The following GABARAPL2 variants were observed in gnomAD, a reference collection of about 807,000 sequenced individuals.
The protein encoded by GABARAPL2 is GABA type A receptor associated protein like 2, also known as gamma-aminobutyric acid receptor-associated protein-like 2.
Under a neutral mutation model 16.9 loss-of-function variants are expected in GABARAPL2, and 11 were observed. The observed-to-expected ratio is 0.65, with a 90% CI of 0.41 to 1.08. The LOEUF is 1.08. Ranked by LOEUF, GABARAPL2 falls within the 50% of genes least tolerant of loss-of-function variation. The pLI, the probability that GABARAPL2 is intolerant of heterozygous loss-of-function variation, is 0.00. For synonymous variants in GABARAPL2, 57 were observed against 50.7 expected, an observed-to-expected ratio of 1.12 and a Z score of -0.53; for missense variants, 134 against 142.5, an observed-to-expected ratio of 0.94 and a Z score of 0.30.
intron 3 of GABARAPL2, among the ~76,000 whole-genome samples, chr16:75,573,913 T>C (rs2080931398): frequency 6.6e-6 from 1 of 152,200 alleles, no homozygotes; most frequent in Non-Finnish European, 1.5e-5. Context: ...CTCATGAGAT[T>C]GTTTTGAGGA....
At chr16:75,569,682 A>G (rs903887812) in intron 3 of GABARAPL2, among the ~76,000 whole-genome samples, 3 of 152,190 alleles carry the variant, frequency 2.0e-5, no homozygotes, top group Non-Finnish European at 4.4e-5. Context: ...GTTCTTCTCA[A>G]AGGAAATGAA....
At position 75,568,077 on chromosome 16, in the gene GABARAPL2, T is replaced by C. The variant is rs746385892; in HGVS notation, c.131T>C (p.Ile44Thr). The change falls in exon 3 of 4, where the codon ATT (isoleucine) becomes ACT (threonine). Residue 44 changes from isoleucine to threonine, a missense_variant. Physicochemically the swap from Ile to Thr is moderately conservative, Grantham distance 89 (BLOSUM62 -1). Coordinates refer to ENST00000037243, the MANE Select transcript of GABARAPL2 (RefSeq NM_007285.7). ...GTCTCAGGCTCTCAGATTGTTGACATTGACAAACGGAAGTACTTGGTTCCA... is the reference window on the plus strand; with the variant it reads ...GTCTCAGGCTCTCAGATTGTTGACACTGACAAACGGAAGTACTTGGTTCCA... ...EKVSGSQIVD[I>T]DKRKYLVPSD... 9.9e-6 allele frequency: 16 copies of C among 1,610,162 alleles called. No individual in the cohort carries two copies. The highest frequency in any genetic ancestry group is 6.7e-5 in the African/African-American group (5 of 74,898).
chr16:75,573,161 AACTG>A (rs1202711496), intron 3 of GABARAPL2, among the ~76,000 whole-genome samples: 4 of 152,240 alleles, frequency 2.6e-5, no homozygotes, highest in Admixed American at 2.0e-4. Flanking sequence ...ATGTGTCCCA[AACTG>A]ACACACCAGC....
At position 75,573,432 on chromosome 16, in the gene GABARAPL2, G is replaced by T. The variant is rs375244768; in HGVS notation, c.264-3847G>T. Among the ~76,000 whole-genome samples, 7 of 152,324 alleles carry T rather than the reference G, an allele frequency of 4.6e-5. No individual in the cohort carries two copies. In the East Asian group the frequency reaches 5.8e-4, roughly 13 times the overall value. On this transcript the variant is annotated intron_variant, in intron 3 of 3. Transcript: ENST00000037243. ...CAAAATTAGGTGCATGTTCAGCATT[G>T]AGCATTCAGTTACCAAGTTCCTTGC...
Position 75,566,400 on chromosome 16 carries a change from TGCCGCTGCCGCC to T in GABARAPL2, c.-85_-74del. On this transcript the variant is annotated 5_prime_UTR_variant, in exon 1 of 4. Coordinates refer to ENST00000037243, the MANE Select transcript of GABARAPL2 (RefSeq NM_007285.7). ...GTGTAGTCGCCGCCGTCGCTGCCGCTGCCGCTGCCGCCGTCGTTGTTGTTGTGCTCGGTGCGC... is the reference window on the plus strand; with the variant it reads ...GTGTAGTCGCCGCCGTCGCTGCCGCTGTCGTTGTTGTTGTGCTCGGTGCGC... 1.9e-6 allele frequency: 2 copies of T among 1,026,212 alleles called. No homozygotes were observed. Among genetic ancestry groups the T allele is most frequent in the Non-Finnish European group, 3.0e-6 (2 of 676,374 alleles). The allele number at this position is 1,026,212 out of a possible 1,614,324, so 63.6% of individuals were successfully genotyped here.
intron 3 of GABARAPL2, among the ~76,000 whole-genome samples, chr16:75,573,595 T>C (rs142197465): frequency 1.3e-5 from 2 of 152,300 alleles, no homozygotes; most frequent in East Asian, 3.9e-4. Flanking sequence ...AATTACAAGA[T>C]GGGAAGGAGA....
intron 3 of GABARAPL2, among the ~76,000 whole-genome samples, chr16:75,575,435 A>T (rs2080942882): frequency 6.6e-6 from 1 of 152,002 alleles, no homozygotes; most frequent in South Asian, 2.1e-4. Context: ...AGCTGGGATG[A>T]CAGGCGTGCA....
chr16:75,577,222 T>C, intron 3 of GABARAPL2, 57 bp from the exon 4 acceptor site: 1 of 1,070,558 alleles, frequency 9.3e-7, no homozygotes, highest in Non-Finnish European at 1.5e-6. Context: ...GGCCATCCTT[T>C]TTCTCCTGAA....
intron 3 of GABARAPL2, among the ~76,000 whole-genome samples, chr16:75,570,045 G>C (rs2080906150): frequency 6.6e-6 from 1 of 152,106 alleles, no homozygotes; most frequent in Non-Finnish European, 1.5e-5. Context: ...CCCAGTTAAT[G>C]ACTTATCACC....
At position 75,566,916 on chromosome 16, in the gene GABARAPL2, ACT is replaced by A; in HGVS notation, c.90+13_90+14del. On this transcript the variant is annotated intron_variant, in intron 2 of 3. Coordinates refer to ENST00000037243, the MANE Select transcript of GABARAPL2 (RefSeq NM_007285.7). The stretch of plus-strand genomic sequence containing the variant: ...ATCCCGACAGGGTTCCGGTGAGTGG[ACT>A]CTCCGCCCCCTCACCTCGCTGTCAC... 2.5e-6 allele frequency: 4 copies of A among 1,606,544 alleles called. No individual in the cohort carries two copies. The highest frequency in any genetic ancestry group is 3.4e-6 in the Non-Finnish European group (4 of 1,174,032).
chr16:75,568,571 C>T (rs2080897232), intron 3 of GABARAPL2, among the ~76,000 whole-genome samples: 1 of 152,206 alleles, frequency 6.6e-6, no homozygotes, highest in African/African-American at 2.4e-5. Context: ...CACTGGGAGC[C>T]TGTGGGCCCT....
chr16:75,567,270 G>C (rs1203748091), intron 2 of GABARAPL2, among the ~76,000 whole-genome samples: 4 of 152,200 alleles, frequency 2.6e-5, no homozygotes, highest in African/African-American at 9.7e-5. Flanking sequence ...TTGAGTCTCA[G>C]GACGTTCATC....
At chr16:75,570,368 C>T (rs141933335) in intron 3 of GABARAPL2, among the ~76,000 whole-genome samples, 2 of 152,280 alleles carry the variant, frequency 1.3e-5, no homozygotes, top group African/African-American at 4.8e-5. Flanking sequence ...CAGGGTCCTT[C>T]CTAAAGCTGG....
chr16:75,568,939 G>C (rs1011313458), intron 3 of GABARAPL2, among the ~76,000 whole-genome samples: 17 of 152,192 alleles, frequency 1.1e-4, no homozygotes, highest in African/African-American at 4.1e-4. Context: ...TCCCGTTACT[G>C]AGTGGGTAGT....
intron 1 of GABARAPL2, 164 bp from the exon 2 acceptor site, chr16:75,566,688 C>T (rs552399234): frequency 1.7e-5 from 16 of 945,396 alleles, no homozygotes; most frequent in East Asian, 1.6e-4. Context: ...CCCATGTCAC[C>T]CTCCGCGGGC....
At chr16:75,566,937 C>T (rs756014362) in intron 2 of GABARAPL2, 30 bp downstream of exon 2, 2 of 1,567,388 alleles carry the variant, frequency 1.3e-6, no homozygotes, top group African/African-American at 1.3e-5. Flanking sequence ...CCTCACCTCG[C>T]TGTCACCTCT....
At chr16:75,570,459 C>T (rs769494582) in intron 3 of GABARAPL2, among the ~76,000 whole-genome samples, 18 of 152,124 alleles carry the variant, frequency 1.2e-4, no homozygotes, top group Non-Finnish European at 2.4e-4. Flanking sequence ...CTTAGGGGAG[C>T]ATGGAGCCTC....
rs187117487 is a variant in GABARAPL2 at position 75,575,398 on chromosome 16, C to T, written c.264-1881C>T. Among the ~76,000 whole-genome samples the T allele has an allele frequency of 3.5e-4, 54 of 152,150 alleles. 1 individual carries two copies. Among genetic ancestry groups the T allele is most frequent in the Middle Eastern group, 6.8e-3 (2 of 294 alleles). ...GCAACCTCCACCTCCCAGGTTAAAGCGATTCTCCGGCCTCAGCTTCCCGAG... is the reference window on the plus strand; with the variant it reads ...GCAACCTCCACCTCCCAGGTTAAAGTGATTCTCCGGCCTCAGCTTCCCGAG... On this transcript the variant is annotated intron_variant, in intron 3 of 3. Coordinates refer to ENST00000037243, the MANE Select transcript of GABARAPL2 (RefSeq NM_007285.7).
intron 3 of GABARAPL2, among the ~76,000 whole-genome samples, chr16:75,573,029 C>G (rs2080925600): frequency 6.6e-6 from 1 of 152,218 alleles, no homozygotes; most frequent in Admixed American, 6.5e-5. Flanking sequence ...TGGATAGATG[C>G]ATTAGAGCTG....
Sources: gnomAD v4.1 joint callset for allele counts (sites outside exome capture counted in the v4.1 genomes callset) on GRCh38, gnomAD v4.1.1 for gene constraint, MANE v1.5 for transcripts, NCBI Gene and HGNC (gene_info 2026-07-23, HGNC 2026-07-21) for gene names.